The following TLL2 variants were observed in gnomAD, a reference collection of about 807,000 sequenced individuals.
TLL2 encodes tolloid-like protein 2.
Under a neutral mutation model 123.0 loss-of-function variants are expected in TLL2, and 106 were observed. The observed-to-expected ratio is 0.86, with a 90% confidence interval of 0.74 to 1.01. The LOEUF (loss-of-function observed/expected upper bound fraction) is 1.01. Ranked by LOEUF, TLL2 falls within the 50% of genes least tolerant of loss-of-function variation. TLL2 has a pLI of 0.00. For missense variants in TLL2, 1,332 were observed against 1,336.7 expected (o/e 1.00, Z 0.06); for synonymous variants, 494 against 516.8 (o/e 0.96, Z 0.60).
In TLL2 at chr10:96,506,251, C is replaced by CAAAAAAAA. The variant is rs1210970430; in HGVS notation, c.175+7252_175+7259dup. On this transcript the variant is annotated intron_variant, in intron 1 of 20. Transcript: ENST00000357947. ...TGGATGACAGAGCGAGACCCCATCT[C>CAAAAAAAA]AAAAAAAAAAAAAAGAAAAAAAAAA... Among the ~76,000 whole-genome samples, 105 of 36,686 alleles carry CAAAAAAAA rather than the reference C, an allele frequency of 2.9e-3. 9 individuals are homozygous for CAAAAAAAA. Among genetic ancestry groups the CAAAAAAAA allele is most frequent in the African/African-American group, 9.9e-3 (89 of 8,980 alleles). The allele number at this position is 36,686 out of a possible 152,430, so 24.1% of individuals were successfully genotyped here.
At position 96,410,705 on chromosome 10, in the gene TLL2, A is replaced by C. The variant is rs114793372; in HGVS notation, c.1049-231T>G. 3,454 of 614,550 alleles carry C rather than the reference A, an allele frequency of 5.6e-3. 68 individuals carry two copies. The highest frequency in any genetic ancestry group is 0.054 in the African/African-American group (3,007 of 55,220). 38.1% of individuals were successfully genotyped at this position (614,550 alleles called of 1,614,324 possible). On this transcript the variant is annotated intron_variant, in intron 8 of 20. Coordinates refer to ENST00000357947, the MANE Select transcript of TLL2 (RefSeq NM_012465.4). ...ATTTCTTCTGAGGCTCTCAGGACTG[A>C]GCATGGCCTAGAGGTCATGAATCTT...
chr10:96,504,691 C>A (rs902080813), intron 1 of TLL2, among the ~76,000 whole-genome samples: 5 of 152,176 alleles, frequency 3.3e-5, no homozygotes, highest in Non-Finnish European at 7.3e-5. Context: ...GAGTATTAGT[C>A]CATTCTCACA....
chr10:96,435,024 CTT>C (rs148764221), intron 3 of TLL2, among the ~76,000 whole-genome samples: 3 of 144,922 alleles, frequency 2.1e-5, no homozygotes, highest in African/African-American at 7.7e-5. Context: ...TATTCATTTC[CTT>C]TTTTTTTTCT....
At chr10:96,374,096 G>C in intron 18 of TLL2, 1 of 393,464 alleles carries the variant, frequency 2.5e-6, no homozygotes, top group Non-Finnish European at 4.7e-6. Flanking sequence ...TTAAATGCTT[G>C]ACATTTTGAC....
chr10:96,402,238 A>G (rs1161167178), intron 10 of TLL2, among the ~76,000 whole-genome samples: 1 of 151,966 alleles, frequency 6.6e-6, no homozygotes, highest in Non-Finnish European at 1.5e-5. Context: ...GCTGCCCACC[A>G]CCTCCGCGCT....
chr10:96,444,416 C>T (rs535709145), intron 3 of TLL2, among the ~76,000 whole-genome samples: 2 of 152,292 alleles, frequency 1.3e-5, no homozygotes, highest in Non-Finnish European at 1.5e-5. Context: ...TAAGTTATAA[C>T]TAGTGCCTTG....
chr10:96,407,056 C>T (rs1373583096), intron 9 of TLL2, among the ~76,000 whole-genome samples: 1 of 152,090 alleles, frequency 6.6e-6, no homozygotes, highest in African/African-American at 2.4e-5. Flanking sequence ...ATATTCCACT[C>T]ATATCTCATG....
At chr10:96,412,080 C>T (rs74153660) in intron 8 of TLL2, among the ~76,000 whole-genome samples, 1,606 of 152,240 alleles carry the variant, frequency 0.011, 30 homozygotes, top group African/African-American at 0.037. Context: ...GATGGCATTT[C>T]CCAGGGTATG....
chr10:96,429,666 C>T (rs1316773788), intron 4 of TLL2, among the ~76,000 whole-genome samples: 2 of 152,188 alleles, frequency 1.3e-5, no homozygotes, highest in African/African-American at 4.8e-5. Context: ...GCACTTCGCC[C>T]CCTCATTTTC....
At position 96,379,045 on chromosome 10, in the gene TLL2, C is replaced by T. The variant is rs747500669; in HGVS notation, c.2242G>A (p.Val748Ile). ...CACAGGTAGCTCCCGAAGGTGTTGA[C>T]GCACTCATGCTGACACCCGCCGTTG... is the stretch of plus-strand genomic sequence containing the variant. Reference protein sequence around the residue: ...KDNGGCQHECVNTFGSYLCRC... With the variant: ...KDNGGCQHECINTFGSYLCRC... The change falls in exon 17 of 21, where the codon GTC becomes ATC. Residue 748 changes from valine (V) to isoleucine (I), a missense_variant. Transcript: ENST00000357947. 5.5e-5 allele frequency: 88 copies of T among 1,614,038 alleles called. No individual in the cohort carries two copies. The highest frequency in any genetic ancestry group is 1.5e-4 in the South Asian group (14 of 91,078).
chr10:96,475,989 A>G (rs1380191923), intron 2 of TLL2, among the ~76,000 whole-genome samples: 1 of 151,672 alleles, frequency 6.6e-6, no homozygotes, highest in African/African-American at 2.4e-5. Flanking sequence ...GCCTTCCACC[A>G]TGATTGTGAG....
chr10:96,419,071 C>T (rs1233377401), intron 7 of TLL2, among the ~76,000 whole-genome samples: 1 of 151,972 alleles, frequency 6.6e-6, no homozygotes, highest in East Asian at 1.9e-4. Context: ...TGAATCAGCC[C>T]ACCCCAAGAC....
chr10:96,374,099 A>G (rs1846111992), intron 18 of TLL2: 2 of 389,720 alleles, frequency 5.1e-6, no homozygotes, highest in African/African-American at 4.1e-5. Flanking sequence ...AATGCTTGAC[A>G]TTTTGACAGC....
chr10:96,484,409 T>G (rs1280545826), intron 1 of TLL2, among the ~76,000 whole-genome samples: 1 of 152,170 alleles, frequency 6.6e-6, no homozygotes, highest in Non-Finnish European at 1.5e-5. Flanking sequence ...TGTATCATAA[T>G]CTAGATTATA....
At chr10:96,448,790 T>A (rs984910588) in intron 2 of TLL2, among the ~76,000 whole-genome samples, 1 of 151,920 alleles carries the variant, frequency 6.6e-6, no homozygotes, top group African/African-American at 2.4e-5. Context: ...TGGGTACGAC[T>A]GGAATGGAAT....
rs551865893 is a variant in TLL2 at position 96,448,098 on chromosome 10, G to A, written c.287-1930C>T. Among the ~76,000 whole-genome samples, 31 of 152,308 alleles carry A rather than the reference G, an allele frequency of 2.0e-4. No individual in the cohort carries two copies. The South Asian group carries it at 5.8e-3, about 29-fold the overall frequency. Reference sequence around the variant, plus strand: ...TGTGACCATGACCTGGGCAGTGGCTGCAGCTGCCAGGTCTCCTGTAGAGAA... The same window carrying A: ...TGTGACCATGACCTGGGCAGTGGCTACAGCTGCCAGGTCTCCTGTAGAGAA... On this transcript the variant is annotated intron_variant, in intron 2 of 20. Transcript: ENST00000357947.
intron 10 of TLL2, among the ~76,000 whole-genome samples, chr10:96,403,084 C>T (rs570413080): frequency 1.1e-4 from 16 of 152,290 alleles, no homozygotes; most frequent in Non-Finnish European, 1.9e-4. Flanking sequence ...GACCCCTCTA[C>T]GAGTGAGGAC....
At chr10:96,447,618 A>G (rs914326309) in intron 2 of TLL2, among the ~76,000 whole-genome samples, 2 of 152,212 alleles carry the variant, frequency 1.3e-5, no homozygotes, top group African/African-American at 4.8e-5. Flanking sequence ...TAGTGACACC[A>G]GGGAGCAGAT....
intron 1 of TLL2, 81 bp from the exon 2 acceptor site, chr10:96,480,540 G>C: frequency 9.0e-7 from 1 of 1,108,464 alleles, no homozygotes. Context: ...AAGGGCATTG[G>C]GTGTTGGGTG....
Sources: allele counts gnomAD v4.1 joint callset (sites outside exome capture counted in the v4.1 genomes callset), GRCh38; gene constraint gnomAD v4.1.1; transcripts MANE v1.5; gene names NCBI Gene and HGNC (gene_info 2026-07-23, HGNC 2026-07-21).